The following KCNJ6 variants were observed in gnomAD, a reference collection of about 807,000 sequenced individuals.
KCNJ6 encodes potassium inwardly rectifying channel subfamily J member 6.
KCNJ6 carries 9 observed loss-of-function variants against 34.2 expected under a neutral mutation model. That is an observed-to-expected ratio of 0.26 (90% CI 0.16 to 0.46). The LOEUF is 0.46. KCNJ6 is among the 20% of genes least tolerant of loss of function. The pLI is 1.00. For missense variants in KCNJ6, 236 were observed against 531.3 expected (o/e 0.44, Z 5.46); for synonymous variants, 196 against 207.1 (o/e 0.95, Z 0.46).
At chr21:37,667,580 T>C (rs1306802320) in intron 3 of KCNJ6, among the ~76,000 whole-genome samples, 5 of 144,992 alleles carry the variant, frequency 3.4e-5, no homozygotes, top group Non-Finnish European at 6.1e-5. Context: ...GGGTAGTGGG[T>C]GCTGGGGTAG....
chr21:37,723,295 G>A (rs2054836377), intron 2 of KCNJ6, among the ~76,000 whole-genome samples: 1 of 152,150 alleles, frequency 6.6e-6, no homozygotes, highest in South Asian at 2.1e-4. Flanking sequence ...GTGAGGCTGT[G>A]GAGAAAAGGG....
At chr21:37,797,383 G>A (rs2055248614) in intron 2 of KCNJ6, among the ~76,000 whole-genome samples, 1 of 152,156 alleles carries the variant, frequency 6.6e-6, no homozygotes, top group Non-Finnish European at 1.5e-5. Context: ...CCATGCACAA[G>A]GATTTAGTGT....
intron 1 of KCNJ6, among the ~76,000 whole-genome samples, chr21:37,885,637 A>G (rs1307340554): frequency 6.6e-6 from 1 of 152,202 alleles, no homozygotes; most frequent in Non-Finnish European, 1.5e-5. Context: ...CCAGGAGGGG[A>G]GCACAGTCTC....
At chr21:37,872,571 A>G (rs2055657947) in intron 1 of KCNJ6, among the ~76,000 whole-genome samples, 1 of 152,196 alleles carries the variant, frequency 6.6e-6, no homozygotes, top group African/African-American at 2.4e-5. Context: ...TCTTTGCCCA[A>G]CCTTCTGATC....
At chr21:37,833,387 C>G (rs183396523) in intron 2 of KCNJ6, among the ~76,000 whole-genome samples, 117 of 152,250 alleles carry the variant, frequency 7.7e-4, no homozygotes, top group Admixed American at 4.2e-3. Flanking sequence ...CTTCCAAACA[C>G]AGAGTGGAAT....
chr21:37,739,913 G>GGA (rs2054931860), intron 2 of KCNJ6, among the ~76,000 whole-genome samples: 1 of 147,612 alleles, frequency 6.8e-6, no homozygotes, highest in Non-Finnish European at 1.5e-5. Context: ...CTTTAGGTTT[G>GGA]AAAAAAAAAA....
At chr21:37,641,931 C>T (rs1251695848) in intron 3 of KCNJ6, among the ~76,000 whole-genome samples, 2 of 152,094 alleles carry the variant, frequency 1.3e-5, no homozygotes, top group African/African-American at 2.4e-5. Flanking sequence ...ACCTCTGTAA[C>T]GAATTATTCA....
chr21:37,685,706 A>AAAAAT, intron 3 of KCNJ6, among the ~76,000 whole-genome samples: 1 of 51,032 alleles, frequency 2.0e-5, no homozygotes, highest in South Asian at 6.3e-4. Context: ...AAAAAAAAAA[A>AAAAAT]AATCTATCCT....
At chr21:37,637,557 C>CT (rs2054363412) in intron 3 of KCNJ6, among the ~76,000 whole-genome samples, 3 of 152,062 alleles carry the variant, frequency 2.0e-5, no homozygotes, top group Admixed American at 6.6e-5. Flanking sequence ...TGTGAGCCAA[C>CT]CATCTGGTCC....
At chr21:37,700,760 A>C (rs1200395647) in intron 3 of KCNJ6, among the ~76,000 whole-genome samples, 1 of 152,122 alleles carries the variant, frequency 6.6e-6, no homozygotes, top group Non-Finnish European at 1.5e-5. Flanking sequence ...CAGGATGTAC[A>C]CTGCACAACT....
At chr21:37,827,619 G>A (rs2055405251) in intron 2 of KCNJ6, among the ~76,000 whole-genome samples, 1 of 152,002 alleles carries the variant, frequency 6.6e-6, no homozygotes, top group South Asian at 2.1e-4. Flanking sequence ...GGCTTGAGTT[G>A]AGAATAGTAA....
At chr21:37,880,669 A>C (rs1252041369) in intron 1 of KCNJ6, among the ~76,000 whole-genome samples, 1 of 152,234 alleles carries the variant, frequency 6.6e-6, no homozygotes, top group Non-Finnish European at 1.5e-5. Flanking sequence ...TCAAAGGTTA[A>C]TAGATGGGCC....
intron 2 of KCNJ6, among the ~76,000 whole-genome samples, chr21:37,735,799 T>TGTGGCA (rs999090784): frequency 5.9e-5 from 9 of 152,314 alleles, no homozygotes; most frequent in Middle Eastern, 3.4e-3. Flanking sequence ...CTACGGCAGC[T>TGTGGCA]GTGGCAGTGG....
chr21:37,751,111 T>C (rs1034293648), intron 2 of KCNJ6, among the ~76,000 whole-genome samples: 7 of 152,190 alleles, frequency 4.6e-5, no homozygotes, highest in African/African-American at 1.4e-4. Flanking sequence ...TTTTTGAGGG[T>C]GCTGAAGGAA....
rs1175681063 is a variant in KCNJ6, at chr21:37,611,665, G to C, written c.*13494C>G. 3 of 152,102 alleles carry C rather than the reference G, an allele frequency of 2.0e-5. No individual in the cohort carries two copies. In the East Asian group the frequency reaches 5.8e-4, roughly 29 times the overall value. 9.4% of individuals were successfully genotyped at this position (152,102 alleles called of 1,614,324 possible). On this transcript the variant is annotated 3_prime_UTR_variant, in exon 4 of 4. Coordinates refer to ENST00000609713, the MANE Select transcript of KCNJ6 (RefSeq NM_002240.5). ...CATGACCAGGTGGAATTTGTCCTAG[G>C]TATATAAGGCTGGTTCAACATTCAA...
chr21:37,851,110 C>G (rs2055535471), intron 1 of KCNJ6, among the ~76,000 whole-genome samples: 1 of 152,114 alleles, frequency 6.6e-6, no homozygotes, highest in African/African-American at 2.4e-5. Flanking sequence ...GCCCCTTAAT[C>G]AGACAGGGAA....
At chr21:37,759,039 G>A (rs1601458186) in intron 2 of KCNJ6, among the ~76,000 whole-genome samples, 2 of 152,238 alleles carry the variant, frequency 1.3e-5, no homozygotes, top group African/African-American at 4.8e-5. Flanking sequence ...CAAGGCCATT[G>A]CTTTTAAGTC....
chr21:37,798,045 G>A (rs2055251775), intron 2 of KCNJ6, among the ~76,000 whole-genome samples: 1 of 152,118 alleles, frequency 6.6e-6, no homozygotes, highest in African/African-American at 2.4e-5. Context: ...ACTCCTTTTA[G>A]GTCACTCCTC....
At chr21:37,889,831 C>A (rs904286902) in intron 1 of KCNJ6, among the ~76,000 whole-genome samples, 1 of 152,206 alleles carries the variant, frequency 6.6e-6, no homozygotes, top group African/African-American at 2.4e-5. Flanking sequence ...ACCAGTCATA[C>A]TGGATTAACA....
Sources: allele counts gnomAD v4.1 joint callset (sites outside exome capture counted in the v4.1 genomes callset), GRCh38; gene constraint gnomAD v4.1.1; transcripts MANE v1.5; gene names NCBI Gene and HGNC (gene_info 2026-07-23, HGNC 2026-07-21).